The following EIF4A1 variants were observed in gnomAD, a reference collection of about 807,000 sequenced individuals.
The protein encoded by EIF4A1 is eukaryotic translation initiation factor 4A1.
In EIF4A1, 11 loss-of-function variants were observed where a neutral mutation model predicts 53.5. The observed-to-expected ratio is 0.21, with a 90% confidence interval of 0.13 to 0.34. The LOEUF (loss-of-function observed/expected upper bound fraction) is 0.34, where lower values mean the gene tolerates loss of function less well. EIF4A1 is among the 10% of genes least tolerant of loss of function. EIF4A1 has a pLI of 1.00. For missense variants in EIF4A1, 213 were observed against 530.8 expected, an observed-to-expected ratio of 0.40 and a Z score of 5.88; for synonymous variants, 237 against 186.7, an observed-to-expected ratio of 1.27 and a Z score of -2.20.
At chr17:7,572,943 A>C in intron 1 of EIF4A1, 79 bp downstream of exon 1, 1 of 1,612,896 alleles carries the variant, frequency 6.2e-7, no homozygotes, top group South Asian at 1.1e-5. Flanking sequence ...GGTAGCTGAG[A>C]GGCCCACCAG....
At chr17:7,574,811 T>G in intron 3 of EIF4A1, 133 bp downstream of exon 3, 1 of 1,442,826 alleles carries the variant, frequency 6.9e-7, no homozygotes, top group Non-Finnish European at 9.6e-7. Flanking sequence ...TGGCTTTTGA[T>G]CCGTGCCCAT....
chr17:7,576,952 C>G (rs1407466902), intron 5 of EIF4A1, 104 bp from the exon 6 acceptor site: 1 of 1,400,340 alleles, frequency 7.1e-7, no homozygotes, highest in African/African-American at 1.4e-5. Flanking sequence ...ACTCTGAGAG[C>G]AGACTACTTG....
intron 9 of EIF4A1, 70 bp from the exon 10 acceptor site, chr17:7,578,095 C>T (rs762063327): frequency 1.9e-6 from 3 of 1,606,720 alleles, no homozygotes; most frequent in African/African-American, 1.3e-5. Context: ...CACATGGATG[C>T]CTAAGTGTCT....
rs757721660 is a variant in EIF4A1 at position 7,578,026 on chromosome 17, G to T, written c.996+110G>T. The T allele has an allele frequency of 1.9e-6, 3 of 1,568,190 alleles. No homozygotes were observed. In the South Asian group the frequency reaches 3.3e-5, roughly 17 times the overall value. On this transcript the variant is annotated intron_variant, in intron 9 of 10. Coordinates refer to ENST00000293831, the MANE Select transcript of EIF4A1 (RefSeq NM_001416.4). Reference sequence around the variant, plus strand: ...AAGTAGCAGCTTGGAATAGAATCTGGCATGCCTAAGGCCTTTGGGGAACTG... The same window carrying T: ...AAGTAGCAGCTTGGAATAGAATCTGTCATGCCTAAGGCCTTTGGGGAACTG...
At chr17:7,575,026 T>A in intron 3 of EIF4A1, 93 bp from the exon 4 acceptor site, 1 of 1,525,802 alleles carries the variant, frequency 6.6e-7, no homozygotes, top group Non-Finnish European at 8.9e-7. Flanking sequence ...AATGCTTGGT[T>A]CATTGGTTGC....
At chr17:7,578,283 C>T (rs760259485) in intron 10 of EIF4A1, 39 bp downstream of exon 10, 2 of 1,613,968 alleles carry the variant, frequency 1.2e-6, no homozygotes, top group Non-Finnish European at 1.7e-6. Context: ...CCCCTTCACA[C>T]CTGGCCCTCC....
chr17:7,577,718 C>T lies in EIF4A1; in HGVS notation c.906+12C>T, dbSNP rs1199603788. The T allele has an allele frequency of 2.7e-5, 44 of 1,613,426 alleles. No individual in the cohort carries two copies. Among genetic ancestry groups the T allele is most frequent in the Middle Eastern group, 1.6e-4 (1 of 6,084 alleles). ...CTGTATCCGCCATGGTGTGTTTGCC[C>T]GCTGCCAGCCTGTTGTGGGTCTGCC... is the stretch of plus-strand genomic sequence containing the variant. On this transcript the variant is annotated intron_variant, in intron 8 of 10. Coordinates refer to ENST00000293831, the MANE Select transcript of EIF4A1 (RefSeq NM_001416.4). The surrounding 1 kb of genome is among the most constrained non-coding windows in gnomAD (Gnocchi z 4.7).
In EIF4A1 at chr17:7,576,689, C is replaced by T. The variant is rs1286851546; in HGVS notation, c.511C>T (p.Leu171=). The change falls in exon 5 of 11, where the codon CTG becomes TTG. Residue 171 remains leucine (L), a synonymous_variant. Transcript: ENST00000293831. ...GTTTGATATGCTTAACCGGAGATAC[C>T]TGTGTGAGTAATTCGGTTCTCCAAT... ...RVFDMLNRRY[L]SPKYIKMFVL... 3 of 1,600,992 alleles carry T rather than the reference C, an allele frequency of 1.9e-6. No homozygotes were observed. The highest frequency in any genetic ancestry group is 1.3e-5 in the African/African-American group (1 of 74,534).
At position 7,577,793 on chromosome 17, in the gene EIF4A1, A is replaced by G. The variant is rs1788296144; in HGVS notation, c.907-34A>G. On this transcript the variant is annotated intron_variant, in intron 8 of 10. Transcript: ENST00000293831. The surrounding 1 kb of genome is among the most constrained non-coding windows in gnomAD (Gnocchi z 4.7). ...CAGGGTTCCTGGAACCCAGGTGCCT[A>G]CCTGGTCTGCTGCATATTTGTTTTC... The G allele has an allele frequency of 1.9e-6, 3 of 1,613,906 alleles. No homozygotes were observed. The highest frequency in any genetic ancestry group is 2.5e-6 in the Non-Finnish European group (3 of 1,180,026).
Position 7,578,699 on chromosome 17 carries a change from CCAA to C in EIF4A1, c.*214_*216del. ...CTTGCCCCAGGCGCCGGCTCTTCTC[CCAA>C]AAAAAAAAAAAAAACACTAATCCAT... On this transcript the variant is annotated 3_prime_UTR_variant, in exon 11 of 11. Coordinates refer to ENST00000293831, the MANE Select transcript of EIF4A1 (RefSeq NM_001416.4). The C allele has an allele frequency of 2.6e-6, 1 of 379,020 alleles. No homozygotes were observed. Among genetic ancestry groups the C allele is most frequent in the Non-Finnish European group, 4.5e-6 (1 of 219,786 alleles). The allele number at this position is 379,020 out of a possible 1,614,324, so 23.5% of individuals were successfully genotyped here.
At position 7,577,836 on chromosome 17, in the gene EIF4A1, A is replaced by G; in HGVS notation, c.916A>G (p.Met306Val). The change falls in exon 9 of 11, where the codon ATG becomes GTG. Residue 306 changes from methionine to valine, a missense_variant. Physicochemically the swap from Met to Val is conservative, Grantham distance 21 (BLOSUM62 1). Transcript: ENST00000293831. The surrounding 1 kb of genome is among the most constrained non-coding windows in gnomAD (Gnocchi z 4.7). ...DFTVSAMHGDMDQKERDVIMR... is the reference protein window; with the variant it reads ...DFTVSAMHGDVDQKERDVIMR... Reference sequence around the variant, plus strand: ...TTGTTTTCTCTTCCAGCATGGAGATATGGACCAAAAGGAACGAGACGTGAT... The same window carrying G: ...TTGTTTTCTCTTCCAGCATGGAGATGTGGACCAAAAGGAACGAGACGTGAT... 6.2e-7 allele frequency: 1 copy of G among 1,614,172 alleles called. No homozygotes were observed. Among genetic ancestry groups the G allele is most frequent in the Non-Finnish European group, 8.5e-7 (1 of 1,180,044 alleles).
chr17:7,576,332 CTG>C (rs2071401459), intron 4 of EIF4A1, 190 bp from the exon 5 acceptor site: 1 of 596,306 alleles, frequency 1.7e-6, no homozygotes. Context: ...AGTTGAAATC[CTG>C]TCTTTGCCAC....
At chr17:7,573,273 T>C (rs2150923634) in intron 1 of EIF4A1, 1 of 345,644 alleles carries the variant, frequency 2.9e-6, no homozygotes, top group Middle Eastern at 9.3e-4. Context: ...TTCCGGAGCA[T>C]TCTGACGGTA....
intron 1 of EIF4A1, chr17:7,573,978 C>T (rs1233857597): frequency 2.1e-6 from 1 of 484,378 alleles, no homozygotes; most frequent in Non-Finnish European, 3.7e-6. Flanking sequence ...CAAGCACCAC[C>T]TCTGGGCACC....
At position 7,577,928 on chromosome 17, in the gene EIF4A1, G is replaced by C; in HGVS notation, c.996+12G>C. 1.9e-6 allele frequency: 3 copies of C among 1,614,160 alleles called. No individual in the cohort carries two copies. The highest frequency in any genetic ancestry group is 2.5e-6 in the Non-Finnish European group (3 of 1,180,004). On this transcript the variant is annotated intron_variant, in intron 9 of 10. Transcript: ENST00000293831. This position sits in a 1 kb window ranked among gnomAD's most constrained non-coding sequence, Gnocchi z 4.7. ...CCACTGACCTGCTGGTGAGTAGAGG[G>C]AACTGATAGCAAAGGCAGAAGGGAG...
chr17:7,577,482 C>T lies in EIF4A1; in HGVS notation c.763C>T (p.Arg255Ter). 1 of 1,613,990 alleles carries T rather than the reference C, an allele frequency of 6.2e-7. No homozygotes were observed. Among genetic ancestry groups the T allele is most frequent in the Non-Finnish European group, 8.5e-7 (1 of 1,179,958 alleles). The change falls in exon 7 of 11, where the codon CGA becomes TGA. Residue 255 changes from arginine to a stop codon, truncating the protein, a stop_gained. Transcript: ENST00000293831. LOFTEE classifies it high-confidence loss of function. The surrounding 1 kb of genome is among the most constrained non-coding windows in gnomAD (Gnocchi z 4.7). ...CCGCCAGTTCTACATCAACGTGGAA[C>T]GAGAGGTGGGGCCCAGTGCAGGAGG... The part of the protein sequence containing the change: ...GIRQFYINVE[R>*]EEWKLDTLCD...
In EIF4A1 at chr17:7,574,670, G is replaced by C. The variant is rs764244678; in HGVS notation, c.197G>C (p.Cys66Ser). The stretch of plus-strand genomic sequence containing the variant: ...ATCCAGCAGCGAGCCATTCTACCTT[G>C]TATCAAGGGTGAGACCTCTCAGTCC... ...SAIQQRAILP[C>S]IKGYDVIAQA... The change falls in exon 3 of 11, where the codon TGT becomes TCT. Residue 66 changes from cysteine to serine, a missense_variant. Cys to Ser is a moderately radical substitution (Grantham distance 112). Coordinates refer to ENST00000293831, the MANE Select transcript of EIF4A1 (RefSeq NM_001416.4). 2 of 1,612,344 alleles carry C rather than the reference G, an allele frequency of 1.2e-6. No individual in the cohort carries two copies. The highest frequency in any genetic ancestry group is 8.5e-7 in the Non-Finnish European group (1 of 1,180,024).
intron 1 of EIF4A1, chr17:7,573,994 C>T (rs2071364761): frequency 1.2e-5 from 6 of 497,532 alleles, no homozygotes; most frequent in Non-Finnish European, 2.2e-5. Flanking sequence ...GCACCGTGAG[C>T]GCGGCGGCAC....
rs545017025 is a variant in EIF4A1 at position 7,574,144 on chromosome 17, G to C, written c.24-116G>C. ...ATTTTTTGGGAGCTGGTGGGAGTTG[G>C]ATCTGGGACAGCAGATTGATGGCAT... On this transcript the variant is annotated intron_variant, in intron 1 of 10. Coordinates refer to ENST00000293831, the MANE Select transcript of EIF4A1 (RefSeq NM_001416.4). The C allele has an allele frequency of 2.2e-5, 27 of 1,208,060 alleles. No individual in the cohort carries two copies. In the African/African-American group the frequency reaches 2.7e-4, roughly 12 times the overall value. The allele number at this position is 1,208,060 out of a possible 1,614,324, so 74.8% of individuals were successfully genotyped here.
Sources: gnomAD v4.1 joint callset for allele counts on GRCh38, gnomAD v4.1.1 for gene constraint, Gnocchi (gnomAD v3.1) non-coding constraint, MANE v1.5 for transcripts, NCBI Gene and HGNC (gene_info 2026-07-23, HGNC 2026-07-21) for gene names.